FBXO11: variants seen among roughly 807,000 people sequenced by gnomAD.
FBXO11 encodes F-box only protein 11.
FBXO11 carries 13 observed loss-of-function variants against 117.0 expected under a neutral mutation model. The observed-to-expected ratio is 0.11, with a 90% CI of 0.07 to 0.18. FBXO11 has a LOEUF of 0.18. FBXO11 is among the 10% of genes least tolerant of loss of function. FBXO11 has a pLI of 1.00. For synonymous variants in FBXO11, 490 were observed against 380.5 expected (o/e 1.29, Z -3.35); for missense variants, 767 against 1,164.4 (o/e 0.66, Z 4.97).
At chr2:47,882,864 G>C (rs1415151981) in intron 1 of FBXO11, among the ~76,000 whole-genome samples, 1 of 152,068 alleles carries the variant, frequency 6.6e-6, no homozygotes. Context: ...GTCTAGGCTG[G>C]TCTCAAACTC....
intron 1 of FBXO11, among the ~76,000 whole-genome samples, chr2:47,850,878 T>A (rs1338105788): frequency 6.6e-6 from 1 of 152,234 alleles, no homozygotes; most frequent in Non-Finnish European, 1.5e-5. Flanking sequence ...CATTTAAAAA[T>A]GTTTTCTTCC....
intron 1 of FBXO11, among the ~76,000 whole-genome samples, chr2:47,841,327 G>C (rs1157517158): frequency 6.6e-6 from 1 of 152,152 alleles, no homozygotes; most frequent in African/African-American, 2.4e-5. Context: ...CTTCTCTATA[G>C]AAACATTCCA....
In FBXO11 at chr2:47,835,932, G is replaced by A. The variant is rs757821091; in HGVS notation, c.657C>T (p.Tyr219=). ...GTTCATACTCTTCTGGATTAATCTG[G>A]TAGAATTTTCCAGGTTCAGGATGCA... The part of the protein sequence containing the change: ...PMMHPEPGKF[Y]QINPEEYEHP... Residue 219 remains tyrosine (Y), a synonymous_variant, in exon 5 of 23, where the codon TAC becomes TAT. Transcript: ENST00000403359. 8 of 1,611,232 alleles carry A rather than the reference G, an allele frequency of 5.0e-6. No homozygotes were observed. In the East Asian group the frequency reaches 8.9e-5, roughly 18 times the overall value.
intron 1 of FBXO11, among the ~76,000 whole-genome samples, chr2:47,887,292 A>T (rs1476560037): frequency 1.3e-5 from 2 of 151,080 alleles, no homozygotes; most frequent in East Asian, 1.9e-4. Context: ...TTTCAAAAAA[A>T]AAAGGTGGGG....
intron 7 of FBXO11, among the ~76,000 whole-genome samples, chr2:47,834,286 G>T (rs922030355): frequency 1.3e-5 from 2 of 151,760 alleles, no homozygotes; most frequent in African/African-American, 4.8e-5. Context: ...GGAGGCAGAG[G>T]TTACAGTGAA....
intron 1 of FBXO11, among the ~76,000 whole-genome samples, chr2:47,860,410 A>G (rs950040907): frequency 7.2e-6 from 1 of 138,964 alleles, no homozygotes; most frequent in African/African-American, 2.7e-5. Context: ...TTTACCCTGG[A>G]TTTTTTTTTT....
chr2:47,865,759 A>G (rs986997164), intron 1 of FBXO11: 4 of 152,206 alleles, frequency 2.6e-5, no homozygotes, highest in African/African-American at 9.6e-5. Context: ...AGAGTCAACA[A>G]AATGTGTTCA....
chr2:47,820,347 T>C lies in FBXO11; in HGVS notation c.1797+15A>G, dbSNP rs1247788823. The stretch of plus-strand genomic sequence containing the variant: ...TGATGCATGAGTTTATAGGGAACTA[T>C]ATACATTAACTTACCACATAAATCC... On this transcript the variant is annotated intron_variant, in intron 14 of 22. Coordinates refer to ENST00000403359, the MANE Select transcript of FBXO11 (RefSeq NM_001190274.2). 2 of 1,605,150 alleles carry C rather than the reference T, an allele frequency of 1.2e-6. No homozygotes were observed. The highest frequency in any genetic ancestry group is 8.5e-7 in the Non-Finnish European group (1 of 1,172,886).
chr2:47,833,109 G>C (rs750458100), intron 7 of FBXO11, 39 bp from the exon 8 acceptor site: 1 of 1,313,778 alleles, frequency 7.6e-7, no homozygotes, highest in Non-Finnish European at 1.1e-6. Context: ...ACCTTTATTC[G>C]ATTTCAACAG....
At chr2:47,848,420 G>A (rs1673588744) in intron 1 of FBXO11, among the ~76,000 whole-genome samples, 1 of 152,180 alleles carries the variant, frequency 6.6e-6, no homozygotes, top group Non-Finnish European at 1.5e-5. Context: ...GTGCATGTCT[G>A]ATGATCTGAG....
At chr2:47,814,527 C>T (rs1027364020) in intron 16 of FBXO11, among the ~76,000 whole-genome samples, 6 of 151,972 alleles carry the variant, frequency 3.9e-5, no homozygotes, top group Non-Finnish European at 2.9e-5. Flanking sequence ...TACAGGTGCA[C>T]ACCACCATGC....
chr2:47,859,194 G>GT (rs1436918909), intron 1 of FBXO11, among the ~76,000 whole-genome samples: 2 of 152,064 alleles, frequency 1.3e-5, no homozygotes, highest in African/African-American at 4.8e-5. Context: ...TCAGAGATAC[G>GT]TATTTCCTTT....
In FBXO11 at chr2:47,832,847, T is replaced by C; in HGVS notation, c.1075A>G (p.Asn359Asp). The change falls in exon 9 of 23, where the codon AAT (asparagine) becomes GAT (aspartate). Residue 359 changes from asparagine (N) to aspartate (D), a missense_variant. By Grantham distance (23) the Asn-to-Asp change is conservative. This residue lies in a region of FBXO11 where 123 missense variants were observed against 145.0 expected (regional missense o/e 0.85). Coordinates refer to ENST00000403359, the MANE Select transcript of FBXO11 (RefSeq NM_001190274.2). Reference sequence around the variant, plus strand: ...GTAATCTCTAAGCAGTGGTGTGCATTGTGGTGTTGTGCAGATTTGTCATCA... The same window carrying C: ...GTAATCTCTAAGCAGTGGTGTGCATCGTGGTGTTGTGCAGATTTGTCATCA... ...NPDDKSAQHH[N>D]AHHCLEITVN... The C allele has an allele frequency of 1.2e-6, 2 of 1,614,068 alleles. No homozygotes were observed. The highest frequency in any genetic ancestry group is 1.7e-6 in the Non-Finnish European group (2 of 1,179,960).
chr2:47,826,361 C>T, intron 11 of FBXO11, among the ~76,000 whole-genome samples: 1 of 152,074 alleles, frequency 6.6e-6, no homozygotes, highest in Non-Finnish European at 1.5e-5. Context: ...CCAGCTGATC[C>T]ACAAGTTTTT....
At chr2:47,808,750 T>A in intron 21 of FBXO11, 1 of 303,604 alleles carries the variant, frequency 3.3e-6, no homozygotes, top group Non-Finnish European at 6.1e-6. Flanking sequence ...CTGGGATATA[T>A]CAAACACTTA....
At chr2:47,898,154 A>G (rs192886049) in intron 1 of FBXO11, among the ~76,000 whole-genome samples, 307 of 152,356 alleles carry the variant, frequency 2.0e-3, no homozygotes, top group Non-Finnish European at 3.5e-3. Context: ...TTAACATGCT[A>G]TCTTATTCGG....
intron 4 of FBXO11, among the ~76,000 whole-genome samples, chr2:47,838,373 A>G (rs1453504299): frequency 3.9e-5 from 6 of 152,150 alleles, no homozygotes; most frequent in Admixed American, 3.9e-4. Flanking sequence ...TCTCATTATT[A>G]ACTAGGCTGT....
At chr2:47,815,441 G>A (rs755646018) in intron 16 of FBXO11, among the ~76,000 whole-genome samples, 41 of 152,146 alleles carry the variant, frequency 2.7e-4, no homozygotes, top group Non-Finnish European at 1.9e-4. Context: ...TCTGGTTTCT[G>A]GGACTCAATT....
intron 4 of FBXO11, among the ~76,000 whole-genome samples, chr2:47,836,352 A>G (rs1672560240): frequency 6.6e-6 from 1 of 152,198 alleles, no homozygotes; most frequent in Admixed American, 6.5e-5. Flanking sequence ...GTGTAGTTGC[A>G]TATGGAAATT....
Sources: gnomAD v4.1 joint callset for allele counts (sites outside exome capture counted in the v4.1 genomes callset) on GRCh38, gnomAD v4.1.1 for gene constraint, gnomAD v4.1.1 regional missense constraint, MANE v1.5 for transcripts, NCBI Gene and HGNC (gene_info 2026-07-23, HGNC 2026-07-21) for gene names.